The following HOXC6 variants were observed in gnomAD, a reference collection of about 807,000 sequenced individuals.
The protein encoded by HOXC6 is homeobox protein Hox-C6.
In HOXC6, 10 loss-of-function variants were observed where a neutral mutation model predicts 24.0. That is an observed-to-expected ratio of 0.42 (90% CI 0.26 to 0.71). The LOEUF (loss-of-function observed/expected upper bound fraction) is 0.71. Ranked by LOEUF, HOXC6 falls within the 30% of genes least tolerant of loss-of-function variation. The pLI is 0.28. For missense variants in HOXC6, 258 were observed against 303.4 expected (o/e 0.85, Z 1.11); for synonymous variants, 123 against 128.1 (o/e 0.96, Z 0.27).
At chr12:54,019,091 C>G (rs1237418929) in intron 1 of HOXC6, among the ~76,000 whole-genome samples, 5 of 150,002 alleles carry the variant, frequency 3.3e-5, no homozygotes, top group Non-Finnish European at 7.4e-5. Context: ...TTTCTGCCCC[C>G]GCTAAATTCC....
chr12:54,022,161 C>G (rs1399336120), intron 1 of HOXC6: 1 of 152,140 alleles, frequency 6.6e-6, no homozygotes, highest in Non-Finnish European at 1.5e-5. Flanking sequence ...AGCCCACCCC[C>G]ATCAACCCAG....
At chr12:54,025,036 C>T (rs1017328676), upstream of HOXC6, among the ~76,000 whole-genome samples, 18 of 152,144 alleles carry the variant, frequency 1.2e-4, no homozygotes, top group African/African-American at 3.6e-4. Flanking sequence ...AAGCCCCTTC[C>T]GAATGCCTGA....
upstream of HOXC6, among the ~76,000 whole-genome samples, chr12:54,026,786 C>A (rs777770534): frequency 1.4e-4 from 22 of 152,194 alleles, no homozygotes; most frequent in Non-Finnish European, 2.2e-4. Context: ...CCAGGGAAAC[C>A]TTAACGTTAC....
At chr12:54,029,511 C>A in intron 1 of HOXC6, 144 bp from the exon 2 acceptor site, 1 of 577,010 alleles carries the variant, frequency 1.7e-6, no homozygotes, top group Non-Finnish European at 2.6e-6. Context: ...GGGGGTGGGG[C>A]AAGGCAAAAG....
Position 54,028,776 on chromosome 12 carries a change from A to G in HOXC6, c.255A>G (p.Ser85=). 6.2e-7 allele frequency: 1 copy of G among 1,614,176 alleles called. No individual in the cohort carries two copies. Among genetic ancestry groups the G allele is most frequent in the Non-Finnish European group, 8.5e-7 (1 of 1,180,034 alleles). ...NSFYQEKDML[S]NCRQNTLGHN... is the part of the protein sequence containing the mutation. Reference sequence around the variant, plus strand: ...TTTACCAGGAGAAAGACATGCTCTCAAACTGCAGACAAAACACCTTAGGAC... The same window carrying G: ...TTTACCAGGAGAAAGACATGCTCTCGAACTGCAGACAAAACACCTTAGGAC... Residue 85 remains serine (S), a synonymous_variant, in exon 1 of 2, where the codon TCA becomes TCG. Transcript: ENST00000243108.
chr12:54,017,693 G>A (rs1425121480), intron 1 of HOXC6, among the ~76,000 whole-genome samples: 1 of 152,090 alleles, frequency 6.6e-6, no homozygotes, highest in East Asian at 1.9e-4. Context: ...TCAAGCCGGC[G>A]GTCTAGGGCG....
Position 54,028,673 on chromosome 12 carries a change from C to T in HOXC6, c.152C>T (p.Ser51Leu). The change falls in exon 1 of 2, where the codon TCG (serine) becomes TTG (leucine). Residue 51 changes from serine (S) to leucine (L), a missense_variant. Physicochemically the swap from Ser to Leu is moderately radical, Grantham distance 145 (BLOSUM62 -2). Coordinates refer to ENST00000243108, the MANE Select transcript of HOXC6 (RefSeq NM_004503.4). ...GCCGTTGCCCAGAACCGGATCTACT[C>T]GACTCCCTTTTATTCGCCACAGGAG... ...GAAVAQNRIY[S>L]TPFYSPQENV... 1.2e-6 allele frequency: 2 copies of T among 1,614,108 alleles called. No individual in the cohort carries two copies. The highest frequency in any genetic ancestry group is 1.7e-5 in the Admixed American group (1 of 60,022).
intron 1 of HOXC6, among the ~76,000 whole-genome samples, chr12:54,019,180 C>T (rs1258263815): frequency 2.2e-5 from 3 of 134,330 alleles, no homozygotes; most frequent in Non-Finnish European, 3.2e-5. Context: ...CTCCCCCACC[C>T]CCCCACCCCC....
intron 1 of HOXC6, 136 bp downstream of exon 1, chr12:54,029,057 G>T (rs1026685919): frequency 1.2e-6 from 1 of 867,370 alleles, no homozygotes; most frequent in Admixed American, 2.8e-5. Context: ...CCGAGACAGG[G>T]CCCCCTCTTC....
intron 1 of HOXC6, among the ~76,000 whole-genome samples, 172 bp downstream of exon 1, chr12:54,029,093 G>T (rs779048299): frequency 1.3e-5 from 2 of 152,032 alleles, no homozygotes; most frequent in Non-Finnish European, 2.9e-5. Context: ...CCTCTCGCTC[G>T]CTTGCAGGGG....
intron 1 of HOXC6, among the ~76,000 whole-genome samples, chr12:54,017,990 G>C (rs897115270): frequency 2.0e-5 from 3 of 152,206 alleles, no homozygotes; most frequent in African/African-American, 7.2e-5. Context: ...GCAGGAAGCC[G>C]GCGCAGCTAG....
At chr12:54,022,381 T>A (rs1396726286) in intron 1 of HOXC6, 2 of 152,226 alleles carry the variant, frequency 1.3e-5, no homozygotes, top group Non-Finnish European at 2.9e-5. Flanking sequence ...CCTATATGTC[T>A]CCAATCCTGC....
intron 1 of HOXC6, chr12:54,017,560 C>CG (rs1342430388): frequency 1.4e-5 from 2 of 139,874 alleles, no homozygotes; most frequent in Non-Finnish European, 3.1e-5. Flanking sequence ...GGAAAATTGG[C>CG]GGGGGGAGAG....
At chr12:54,029,145 C>A (rs929515341) in intron 1 of HOXC6, among the ~76,000 whole-genome samples, 1 of 151,816 alleles carries the variant, frequency 6.6e-6, no homozygotes, top group African/African-American at 2.4e-5. Context: ...GGCCCCAAGG[C>A]GGGCTGAGGG....
At chr12:54,018,659 T>TGGGTCCGA (rs1260618168) in intron 1 of HOXC6, among the ~76,000 whole-genome samples, 2 of 152,204 alleles carry the variant, frequency 1.3e-5, no homozygotes, top group Non-Finnish European at 2.9e-5. Flanking sequence ...CTCCCCGGCC[T>TGGGTCCGA]GGGTCCGAGG....
At chr12:54,024,997 T>C (rs1287598839), upstream of HOXC6, among the ~76,000 whole-genome samples, 1 of 152,198 alleles carries the variant, frequency 6.6e-6, no homozygotes, top group Non-Finnish European at 1.5e-5. Context: ...TTAAAGCTTC[T>C]CTGAAAGTGA....
rs1257429842 is a variant in HOXC6 at position 54,029,980 on chromosome 12, A to T, written c.*18A>T. 1 of 1,511,978 alleles carries T rather than the reference A, an allele frequency of 6.6e-7. No individual in the cohort carries two copies. The highest frequency in any genetic ancestry group is 8.9e-7 in the Non-Finnish European group (1 of 1,128,398). The allele number at this position is 1,511,978 out of a possible 1,614,324, so 93.7% of individuals were successfully genotyped here. On this transcript the variant is annotated 3_prime_UTR_variant, in exon 2 of 2. Coordinates refer to ENST00000243108, the MANE Select transcript of HOXC6 (RefSeq NM_004503.4). ...AAGAGTGACCAGGACTGTCCCTGCC[A>T]CCCCTCTCTCCCTTTCTCCCTCGCT...
At chr12:54,018,015 C>G (rs1940236563) in intron 1 of HOXC6, among the ~76,000 whole-genome samples, 1 of 152,312 alleles carries the variant, frequency 6.6e-6, no homozygotes, top group East Asian at 1.9e-4. Context: ...CCGGCGGGGC[C>G]TGTTAATTGG....
chr12:54,018,030 T>C (rs1565734245), intron 1 of HOXC6, among the ~76,000 whole-genome samples: 1 of 151,818 alleles, frequency 6.6e-6, no homozygotes, highest in Non-Finnish European at 1.5e-5. Context: ...AATTGGCAAT[T>C]AGGGGGGAGG....
Sources: gnomAD v4.1 joint callset for allele counts (sites outside exome capture counted in the v4.1 genomes callset) on GRCh38, gnomAD v4.1.1 for gene constraint, MANE v1.5 for transcripts, NCBI Gene and HGNC (gene_info 2026-07-23, HGNC 2026-07-21) for gene names.